The following ASCC3 variants were observed in gnomAD, a reference collection of about 807,000 sequenced individuals.
The protein encoded by ASCC3 is activating signal cointegrator 1 complex subunit 3.
In ASCC3, 158 loss-of-function variants were observed where a neutral mutation model predicts 256.3. The ratio of observed to expected loss-of-function variants is 0.62; its 90% CI spans 0.54 to 0.70. ASCC3 has a LOEUF of 0.70. Ranked by LOEUF, ASCC3 falls within the 30% of genes least tolerant of loss-of-function variation. The pLI is 0.00. For missense variants in ASCC3, 2,259 were observed against 2,626.0 expected (o/e 0.86, Z 3.05); for synonymous variants, 948 against 883.4 (o/e 1.07, Z -1.30).
At chr6:100,580,922 T>C (rs535541349) in intron 36 of ASCC3, among the ~76,000 whole-genome samples, 160 of 152,298 alleles carry the variant, frequency 1.1e-3, no homozygotes, top group African/African-American at 3.5e-3. Context: ...TCATCATTTT[T>C]ATGGCTGCAT....
chr6:100,647,577 A>G (rs1775445439), intron 20 of ASCC3, 126 bp from the exon 21 acceptor site: 1 of 795,852 alleles, frequency 1.3e-6, no homozygotes, highest in African/African-American at 1.7e-5. Flanking sequence ...ATTGTGGGGC[A>G]ATATCTTTTC....
rs193192041 is a variant in ASCC3, at chr6:100,713,806, A to G, written c.2151+1656T>C. 1.4e-4 allele frequency among the ~76,000 whole-genome samples: 22 copies of G among 152,344 alleles called. 1 individual carries two copies. In the East Asian group the frequency reaches 4.0e-3, roughly 28 times the overall value. ...CCTATACAAAAAGAGTTTACAGACC[A>G]CAGGTACATTCCTTAGCTAACAATA... is the stretch of plus-strand genomic sequence containing the variant. On this transcript the variant is annotated intron_variant, in intron 13 of 41. Coordinates refer to ENST00000369162, the MANE Select transcript of ASCC3 (RefSeq NM_006828.4).
At chr6:100,622,968 C>T (rs1185203268) in intron 30 of ASCC3, among the ~76,000 whole-genome samples, 2 of 152,192 alleles carry the variant, frequency 1.3e-5, no homozygotes, top group South Asian at 4.1e-4. Context: ...TTTAAGCAAA[C>T]ATCCCAAAGT....
chr6:100,723,005 T>C (rs753170921), intron 11 of ASCC3, among the ~76,000 whole-genome samples: 3 of 151,824 alleles, frequency 2.0e-5, no homozygotes, highest in Non-Finnish European at 3.0e-5. Context: ...CTTTATAAAT[T>C]TGTGCTATTA....
At chr6:100,611,857 C>T (rs1485603788) in intron 30 of ASCC3, among the ~76,000 whole-genome samples, 1 of 126,360 alleles carries the variant, frequency 7.9e-6, no homozygotes, top group Non-Finnish European at 1.8e-5. Context: ...AGAAGAGTTG[C>T]TATAGAATTA....
At chr6:100,688,725 T>C (rs1183249737) in intron 13 of ASCC3, among the ~76,000 whole-genome samples, 1 of 152,174 alleles carries the variant, frequency 6.6e-6, no homozygotes, top group Non-Finnish European at 1.5e-5. Flanking sequence ...TGACAGGCAC[T>C]GCGGACATAT....
At chr6:100,806,794 A>C (rs898285804) in intron 4 of ASCC3, among the ~76,000 whole-genome samples, 7 of 151,938 alleles carry the variant, frequency 4.6e-5, no homozygotes, top group Non-Finnish European at 7.4e-5. Flanking sequence ...AAAAGAAACA[A>C]AATGAATTAT....
rs774823324 is a variant in ASCC3, at chr6:100,589,932, T to C, written c.5415+16A>G. ...GGGCAATCTTTTCAATTAGAATGCATATGACTAAGTCATACCTCTCCAATT... is the reference window on the plus strand; with the variant it reads ...GGGCAATCTTTTCAATTAGAATGCACATGACTAAGTCATACCTCTCCAATT... On this transcript the variant is annotated intron_variant, in intron 35 of 41. Transcript: ENST00000369162. 32 of 1,601,436 alleles carry C rather than the reference T, an allele frequency of 2.0e-5. No homozygotes were observed. Among genetic ancestry groups the C allele is most frequent in the Admixed American group, 5.0e-5 (3 of 59,848 alleles).
intron 36 of ASCC3, among the ~76,000 whole-genome samples, chr6:100,579,755 G>C (rs985682488): frequency 6.6e-6 from 1 of 152,080 alleles, no homozygotes; most frequent in Non-Finnish European, 1.5e-5. Flanking sequence ...TTGAAGTCAG[G>C]TAACATGATA....
intron 11 of ASCC3, among the ~76,000 whole-genome samples, chr6:100,720,834 C>T (rs997765305): frequency 1.4e-5 from 2 of 147,618 alleles, no homozygotes; most frequent in African/African-American, 2.5e-5. Flanking sequence ...ATATGATATA[C>T]ACTTATATAT....
chr6:100,584,658 T>G (rs371540118), intron 36 of ASCC3, among the ~76,000 whole-genome samples: 12 of 152,252 alleles, frequency 7.9e-5, no homozygotes, highest in South Asian at 2.1e-4. Context: ...CTCATTAGTT[T>G]ATGCAGTTTC....
chr6:100,642,761 TAC>T lies in ASCC3; in HGVS notation c.3733-14_3733-13del, dbSNP rs1178675999. On this transcript the variant is annotated splice_polypyrimidine_tract_variant and intron_variant, in intron 23 of 41. Transcript: ENST00000369162. ...TCTTTACTAATGACCTAATATGAAATACAGTCAAAAATAAATATGGATATTCT... is the reference window on the plus strand; with the variant it reads ...TCTTTACTAATGACCTAATATGAAATAGTCAAAAATAAATATGGATATTCT... 1 of 1,603,452 alleles carries T rather than the reference TAC, an allele frequency of 6.2e-7. No individual in the cohort carries two copies.
intron 37 of ASCC3, among the ~76,000 whole-genome samples, chr6:100,533,961 A>C (rs1486178578): frequency 6.6e-6 from 1 of 152,244 alleles, no homozygotes; most frequent in Admixed American, 6.5e-5. Context: ...AACTTCTCTG[A>C]AAACCAACTG....
At chr6:100,860,363 A>T (rs1286499310) in intron 3 of ASCC3, among the ~76,000 whole-genome samples, 2 of 151,984 alleles carry the variant, frequency 1.3e-5, no homozygotes, top group Non-Finnish European at 2.9e-5. Context: ...TTTTATTATT[A>T]AAATAATCTT....
intron 13 of ASCC3, among the ~76,000 whole-genome samples, chr6:100,697,239 TA>T (rs937659472): frequency 2.3e-4 from 34 of 148,396 alleles, no homozygotes; most frequent in Admixed American, 3.4e-4. Context: ...AGTGCTATGG[TA>T]AAAAAAAAAT....
At chr6:100,823,199 G>C (rs1199659316) in intron 4 of ASCC3, among the ~76,000 whole-genome samples, 2 of 152,052 alleles carry the variant, frequency 1.3e-5, no homozygotes, top group African/African-American at 4.8e-5. Flanking sequence ...CATCCACATT[G>C]AGAACAGGTG....
At chr6:100,853,614 G>A (rs1416610085) in intron 3 of ASCC3, among the ~76,000 whole-genome samples, 3 of 151,964 alleles carry the variant, frequency 2.0e-5, no homozygotes, top group East Asian at 1.9e-4. Context: ...ACAGGCACAC[G>A]CCACTATGCC....
chr6:100,519,440 A>G (rs1180794953), intron 37 of ASCC3, among the ~76,000 whole-genome samples: 1 of 152,104 alleles, frequency 6.6e-6, no homozygotes, highest in African/African-American at 2.4e-5. Flanking sequence ...GGGAAAATCC[A>G]CTTATATTCT....
At chr6:100,532,397 TATATATATA>T (rs1331695965) in intron 37 of ASCC3, among the ~76,000 whole-genome samples, 6 of 45,170 alleles carry the variant, frequency 1.3e-4, no homozygotes, top group South Asian at 1.2e-3. Flanking sequence ...TATATATATA[TATATATATA>T]TTTTTTTTTT....
Sources: allele counts gnomAD v4.1 joint callset (sites outside exome capture counted in the v4.1 genomes callset), GRCh38; gene constraint gnomAD v4.1.1; transcripts MANE v1.5; gene names NCBI Gene and HGNC (gene_info 2026-07-23, HGNC 2026-07-21).